EIF2B3: variants seen among roughly 807,000 people sequenced by gnomAD.
The protein encoded by EIF2B3 is translation initiation factor eIF2B subunit gamma.
EIF2B3 carries 20 observed loss-of-function variants against 54.1 expected under a neutral mutation model. The observed-to-expected ratio is 0.37, with a 90% CI of 0.26 to 0.54. EIF2B3 has a LOEUF of 0.54. EIF2B3 is among the 20% of genes least tolerant of loss of function. The probability of loss-of-function intolerance (pLI) is 0.86; values close to 1 mark genes in which losing one functional copy is unlikely to be tolerated. For missense variants in EIF2B3, 448 were observed against 547.8 expected (o/e 0.82, Z 1.82); for synonymous variants, 153 against 188.1 (o/e 0.81, Z 1.52).
chr1:44,944,898 G>C (rs1016002259), intron 3 of EIF2B3, among the ~76,000 whole-genome samples: 1 of 151,094 alleles, frequency 6.6e-6, no homozygotes, highest in African/African-American at 2.5e-5. Flanking sequence ...GAGTCTACAT[G>C]TATTTTTTTT....
At chr1:44,943,670 C>T (rs1029929354) in intron 3 of EIF2B3, among the ~76,000 whole-genome samples, 1 of 148,630 alleles carries the variant, frequency 6.7e-6, no homozygotes, top group Non-Finnish European at 1.5e-5. Context: ...GCAATTTGCC[C>T]ACTTTGGCCT....
chr1:44,928,637 A>G (rs1400943239), intron 4 of EIF2B3, among the ~76,000 whole-genome samples: 1 of 152,052 alleles, frequency 6.6e-6, no homozygotes, highest in African/African-American at 2.4e-5. Context: ...TATGCTATGT[A>G]TAGTCTATAT....
In EIF2B3 at chr1:44,923,807, T is replaced by C. The variant is rs562149360; in HGVS notation, c.566+2821A>G. ...TCCCTCCTTCTCTTTCTCTCTTTCT[T>C]TCTTTCATTTTTTTGAGACAGGGTC... On this transcript the variant is annotated intron_variant, in intron 5 of 11. Transcript: ENST00000360403. Among the ~76,000 whole-genome samples, 49 of 152,060 alleles carry C rather than the reference T, an allele frequency of 3.2e-4. No homozygotes were observed. In the South Asian group the frequency reaches 8.7e-3, roughly 27 times the overall value.
intron 3 of EIF2B3, chr1:44,958,857 C>A: frequency 1.1e-6 from 1 of 894,818 alleles, no homozygotes; most frequent in Non-Finnish European, 1.9e-6. Context: ...ATATCAGGTA[C>A]ATCAGGAACA....
intron 11 of EIF2B3, among the ~76,000 whole-genome samples, chr1:44,851,394 C>CA (rs1189892912): frequency 6.6e-6 from 1 of 152,120 alleles, no homozygotes; most frequent in African/African-American, 2.4e-5. Flanking sequence ...TCTGTGTTCA[C>CA]AAAAATTTAT....
At chr1:44,886,759 T>G (rs1278736814) in intron 6 of EIF2B3, among the ~76,000 whole-genome samples, 1 of 152,258 alleles carries the variant, frequency 6.6e-6, no homozygotes, top group Non-Finnish European at 1.5e-5. Flanking sequence ...GTACCTCACT[T>G]CTGATTTCTG....
At chr1:44,911,212 C>A (rs1007491929) in intron 5 of EIF2B3, among the ~76,000 whole-genome samples, 1 of 152,118 alleles carries the variant, frequency 6.6e-6, no homozygotes, top group African/African-American at 2.4e-5. Context: ...AGCACAACAC[C>A]CCAGAGGGTC....
At chr1:44,859,309 C>A (rs1437901833) in intron 10 of EIF2B3, among the ~76,000 whole-genome samples, 1 of 150,976 alleles carries the variant, frequency 6.6e-6, no homozygotes, top group Non-Finnish European at 1.5e-5. Flanking sequence ...ATAAACGGAG[C>A]ATCTTCTTGG....
chr1:44,979,496 A>G lies in EIF2B3; in HGVS notation c.149-1036T>C, dbSNP rs796841314. 9.8e-3 allele frequency among the ~76,000 whole-genome samples: 1,381 copies of G among 141,378 alleles called. 29 individuals are homozygous for G. Among genetic ancestry groups the G allele is most frequent in the African/African-American group, 0.034 (1,312 of 38,136 alleles). 92.7% of individuals were successfully genotyped at this position (141,378 alleles called of 152,430 possible). ...TGCCAAAAAAAAAAAAAAAAAAAAA[A>G]GGAGGAAAGAAAAATTATCCAGGTG... On this transcript the variant is annotated intron_variant, in intron 2 of 11. Transcript: ENST00000360403.
At chr1:44,875,218 C>T (rs1473275438) in intron 9 of EIF2B3, among the ~76,000 whole-genome samples, 1 of 152,072 alleles carries the variant, frequency 6.6e-6, no homozygotes, top group East Asian at 1.9e-4. Context: ...AAAATTGGGA[C>T]TGACTCCTGA....
At chr1:44,949,192 C>T (rs575944679) in intron 3 of EIF2B3, among the ~76,000 whole-genome samples, 12 of 152,152 alleles carry the variant, frequency 7.9e-5, no homozygotes, top group Admixed American at 3.3e-4. Context: ...TTGATAGAGT[C>T]GACTGCCAAG....
intron 5 of EIF2B3, among the ~76,000 whole-genome samples, chr1:44,904,272 A>G (rs906660872): frequency 6.6e-6 from 1 of 152,238 alleles, no homozygotes; most frequent in Non-Finnish European, 1.5e-5. Context: ...AATTAATTTT[A>G]TCACAGGCTT....
chr1:44,898,197 C>A (rs565218228), intron 5 of EIF2B3, among the ~76,000 whole-genome samples: 1 of 152,116 alleles, frequency 6.6e-6, no homozygotes, highest in Non-Finnish European at 1.5e-5. Flanking sequence ...TATGAATAAT[C>A]CTAACTTGCT....
chr1:44,852,728 G>A (rs369569182), intron 11 of EIF2B3, among the ~76,000 whole-genome samples: 37 of 149,510 alleles, frequency 2.5e-4, no homozygotes, highest in Non-Finnish European at 4.4e-4. Context: ...GCAGTGAGCC[G>A]AGATCGCAGC....
chr1:44,962,412 G>T (rs1644295063), intron 3 of EIF2B3, among the ~76,000 whole-genome samples: 1 of 152,110 alleles, frequency 6.6e-6, no homozygotes. Flanking sequence ...ACATAAACAT[G>T]CATCTATTTA....
intron 10 of EIF2B3, 84 bp downstream of exon 10, chr1:44,874,594 T>C: frequency 6.7e-7 from 1 of 1,498,540 alleles, no homozygotes. Context: ...GTATACAATT[T>C]TAGGTTAAAA....
Position 44,850,897 on chromosome 1 carries a change from G to T in EIF2B3, c.*54C>A. 1 of 1,592,380 alleles carries T rather than the reference G, an allele frequency of 6.3e-7. No individual in the cohort carries two copies. Among genetic ancestry groups the T allele is most frequent in the Non-Finnish European group, 8.6e-7 (1 of 1,160,298 alleles). On this transcript the variant is annotated 3_prime_UTR_variant, in exon 12 of 12. Transcript: ENST00000360403. ...AATACAGAGTTAAACAGGTGGGCCGGCCAACATCTGTGGCTTTGGAGGCCA... is the reference window on the plus strand; with the variant it reads ...AATACAGAGTTAAACAGGTGGGCCGTCCAACATCTGTGGCTTTGGAGGCCA...
chr1:44,878,501 G>T (rs1345945395), intron 8 of EIF2B3, among the ~76,000 whole-genome samples: 1 of 152,036 alleles, frequency 6.6e-6, no homozygotes, highest in African/African-American at 2.4e-5. Context: ...GACCTCAGGC[G>T]ATCCACCCGT....
intron 5 of EIF2B3, among the ~76,000 whole-genome samples, chr1:44,901,398 G>T (rs929782766): frequency 2.6e-5 from 4 of 151,934 alleles, no homozygotes; most frequent in Admixed American, 2.0e-4. Flanking sequence ...TTACAGGCGT[G>T]AGCCACTGCG....
Sources: gnomAD v4.1 joint callset for allele counts (sites outside exome capture counted in the v4.1 genomes callset) on GRCh38, gnomAD v4.1.1 for gene constraint, MANE v1.5 for transcripts, NCBI Gene and HGNC (gene_info 2026-07-23, HGNC 2026-07-21) for gene names.